PCDHGA10: variants seen among roughly 807,000 people sequenced by gnomAD.
PCDHGA10 encodes protocadherin gamma-A10.
In PCDHGA10, 42 loss-of-function variants were observed where a neutral mutation model predicts 59.5. That is an observed-to-expected ratio of 0.71 (90% CI 0.55 to 0.91). The LOEUF (loss-of-function observed/expected upper bound fraction) is 0.91. Among genes scored for constraint, PCDHGA10 ranks in the 40% least tolerant of loss-of-function variants. The probability of loss-of-function intolerance (pLI) is 0.00; values close to 1 mark genes in which losing one functional copy is unlikely to be tolerated. For missense variants in PCDHGA10, 1,111 were observed against 1,198.2 expected, an observed-to-expected ratio of 0.93 and a Z score of 1.07; for synonymous variants, 511 against 517.2, an observed-to-expected ratio of 0.99 and a Z score of 0.16.
chr5:141,467,287 A>C (rs2099140956), intron 1 of PCDHGA10, among the ~76,000 whole-genome samples: 1 of 152,082 alleles, frequency 6.6e-6, no homozygotes, highest in Admixed American at 6.6e-5. Flanking sequence ...TCTTGACCTC[A>C]AGTGATCCAC....
intron 1 of PCDHGA10, chr5:141,441,795 C>T (rs569465359): frequency 2.6e-6 from 1 of 387,758 alleles, no homozygotes; most frequent in Non-Finnish European, 5.1e-6. Flanking sequence ...TGACAACGCA[C>T]CGCGGGTGCT....
rs980122657 is a variant in PCDHGA10, at chr5:141,511,379, C to G, written c.*206C>G. The G allele has an allele frequency of 2.9e-5, 34 of 1,169,842 alleles. No individual in the cohort carries two copies. The highest frequency in any genetic ancestry group is 3.9e-5 in the Non-Finnish European group (33 of 853,834). The allele number at this position is 1,169,842 out of a possible 1,614,324, so 72.5% of individuals were successfully genotyped here. ...GGGGGTTGAATATGCAAAAGCAGTT[C>G]CGCTGGGAACCCCCATCCAATCAAC... On this transcript the variant is annotated 3_prime_UTR_variant, in exon 4 of 4. Transcript: ENST00000398610.
chr5:141,480,074 A>G (rs976924380), intron 1 of PCDHGA10, among the ~76,000 whole-genome samples: 5 of 152,196 alleles, frequency 3.3e-5, no homozygotes, highest in Non-Finnish European at 7.3e-5. Flanking sequence ...TATAAGATTC[A>G]TGCATGATAT....
chr5:141,459,756 G>A (rs1455980132), intron 1 of PCDHGA10, among the ~76,000 whole-genome samples: 1 of 152,118 alleles, frequency 6.6e-6, no homozygotes, highest in Non-Finnish European at 1.5e-5. Flanking sequence ...AATTCTAGTG[G>A]GTGTGTGATA....
At chr5:141,436,042 T>A (rs1246680632) in intron 1 of PCDHGA10, among the ~76,000 whole-genome samples, 4 of 152,182 alleles carry the variant, frequency 2.6e-5, no homozygotes, top group Non-Finnish European at 5.9e-5. Context: ...TGTATTTACA[T>A]TAGTTTTCAA....
chr5:141,478,590 A>T, intron 1 of PCDHGA10: 1 of 1,573,342 alleles, frequency 6.4e-7, no homozygotes, highest in South Asian at 1.1e-5. Flanking sequence ...GTGCTTTTTT[A>T]TTCCTACATC....
Position 141,487,500 on chromosome 5 carries a change from C to G in PCDHGA10, c.2437-7307C>G. 6.2e-7 allele frequency: 1 copy of G among 1,614,178 alleles called. No individual in the cohort carries two copies. Among genetic ancestry groups the G allele is most frequent in the East Asian group, 2.2e-5 (1 of 44,862 alleles). Reference sequence around the variant, plus strand: ...CACTCTCATGGCTGTACACCCTTGGCTTCTGCACCCACTCGGAGTGATAGC... The same window carrying G: ...CACTCTCATGGCTGTACACCCTTGGGTTCTGCACCCACTCGGAGTGATAGC... On this transcript the variant is annotated intron_variant, in intron 1 of 3. Coordinates refer to ENST00000398610, the MANE Select transcript of PCDHGA10 (RefSeq NM_018913.3). The surrounding 1 kb of genome is among the most constrained non-coding windows in gnomAD (Gnocchi z 5.0).
At chr5:141,500,295 G>A (rs911106966) in intron 2 of PCDHGA10, among the ~76,000 whole-genome samples, 2 of 151,282 alleles carry the variant, frequency 1.3e-5, no homozygotes, top group African/African-American at 4.9e-5. Flanking sequence ...TGCAAGCTCC[G>A]CCTCCCAGGT....
intron 1 of PCDHGA10, chr5:141,440,169 C>A (rs891186588): frequency 1.3e-5 from 2 of 152,218 alleles, no homozygotes; most frequent in Non-Finnish European, 2.9e-5. Flanking sequence ...TGGGCCATAA[C>A]GCTTTGAAAT....
intron 1 of PCDHGA10, 129 bp from the exon 2 acceptor site, chr5:141,494,678 G>T: frequency 1.3e-6 from 2 of 1,554,384 alleles, no homozygotes; most frequent in East Asian, 4.7e-5. Flanking sequence ...GTCCACCCCT[G>T]CCCCCTCTTA....
chr5:141,496,943 T>C (rs1023861484), intron 2 of PCDHGA10, among the ~76,000 whole-genome samples: 2 of 151,258 alleles, frequency 1.3e-5, no homozygotes, highest in African/African-American at 2.4e-5. Flanking sequence ...CCCAGCACTT[T>C]GGGAGGCCAA....
intron 1 of PCDHGA10, chr5:141,422,812 T>C: frequency 6.2e-7 from 1 of 1,614,206 alleles, no homozygotes; most frequent in South Asian, 1.1e-5. Context: ...GTTTCGAGAC[T>C]TAGAACTGAG....
intron 1 of PCDHGA10, among the ~76,000 whole-genome samples, chr5:141,479,138 T>G (rs1469363480): frequency 6.6e-6 from 1 of 152,232 alleles, no homozygotes; most frequent in Non-Finnish European, 1.5e-5. Flanking sequence ...GCACCCTGCT[T>G]ACAAAATATT....
chr5:141,494,950 A>T, intron 2 of PCDHGA10, 85 bp downstream of exon 2: 2 of 1,607,070 alleles, frequency 1.2e-6, no homozygotes, highest in African/African-American at 2.7e-5. Context: ...AGGGCCCAGC[A>T]TTTGCTACAG....
intron 1 of PCDHGA10, chr5:141,417,768 C>T: frequency 6.9e-7 from 1 of 1,451,358 alleles, no homozygotes; most frequent in Non-Finnish European, 9.1e-7. Context: ...ACCCGGGACT[C>T]CTCCTGTCCT....
At chr5:141,465,978 C>T (rs568961720) in intron 1 of PCDHGA10, among the ~76,000 whole-genome samples, 7 of 151,998 alleles carry the variant, frequency 4.6e-5, no homozygotes, top group South Asian at 2.1e-4. Context: ...AAAAATTAGC[C>T]GGGCATGGTG....
chr5:141,413,188 A>C lies in PCDHGA10; in HGVS notation c.13A>C (p.Arg5=). MAAQ[R]NRSKESKDCS... ...TAACCAGACTACAATGGCCGCTCAA[A>C]GGAATCGCTCAAAGGAATCAAAGGA... Residue 5 remains arginine (R), a synonymous_variant, in exon 1 of 4, where the codon AGG becomes CGG. Transcript: ENST00000398610. The C allele has an allele frequency of 2.5e-6, 4 of 1,606,680 alleles. No individual in the cohort carries two copies. The highest frequency in any genetic ancestry group is 3.4e-6 in the Non-Finnish European group (4 of 1,175,682).
At chr5:141,496,844 T>G (rs1275272674) in intron 2 of PCDHGA10, among the ~76,000 whole-genome samples, 2 of 150,852 alleles carry the variant, frequency 1.3e-5, no homozygotes, top group Non-Finnish European at 2.9e-5. Context: ...CTCATAGGCT[T>G]CCAGACCAGC....
chr5:141,426,805 A>G (rs1222690899), intron 1 of PCDHGA10: 2 of 456,720 alleles, frequency 4.4e-6, no homozygotes, highest in African/African-American at 2.0e-5. Flanking sequence ...CTCAGTTCTA[A>G]TGAACATTTC....
Sources: gnomAD v4.1 joint callset for allele counts (sites outside exome capture counted in the v4.1 genomes callset) on GRCh38, gnomAD v4.1.1 for gene constraint, Gnocchi (gnomAD v3.1) non-coding constraint, MANE v1.5 for transcripts, NCBI Gene and HGNC (gene_info 2026-07-23, HGNC 2026-07-21) for gene names.